The following SLC2A8 variants were observed in gnomAD, a reference collection of about 807,000 sequenced individuals.
The protein encoded by SLC2A8 is solute carrier family 2, facilitated glucose transporter member 8.
In SLC2A8, 53 loss-of-function variants were observed where a neutral mutation model predicts 49.2. The observed-to-expected ratio is 1.08, with a 90% CI of 0.86 to 1.35. The LOEUF is 1.35. Among genes scored for constraint, SLC2A8 ranks in the 40% most tolerant of loss-of-function variants. The probability of loss-of-function intolerance (pLI) is 0.00; values close to 1 mark genes in which losing one functional copy is unlikely to be tolerated. For missense variants in SLC2A8, 688 were observed against 671.7 expected, an observed-to-expected ratio of 1.02 and a Z score of -0.27; for synonymous variants, 299 against 297.0, an observed-to-expected ratio of 1.01 and a Z score of -0.07.
chr9:127,397,588 T>C, intron 2 of SLC2A8, 50 bp downstream of exon 2: 1 of 1,364,208 alleles, frequency 7.3e-7, no homozygotes. Context: ...CGCCCTCCTC[T>C]CGGGACGGGC....
chr9:127,404,477 C>CCCGGCCCT, intron 7 of SLC2A8: 1 of 360,590 alleles, frequency 2.8e-6, no homozygotes, highest in Admixed American at 4.4e-5. Context: ...AGGTGATCCA[C>CCCGGCCCT]GTGAGGCCTT....
At position 127,397,417 on chromosome 9, in the gene SLC2A8, C is replaced by G. The variant is rs1387202164; in HGVS notation, c.98C>G (p.Ala33Gly). The part of the protein sequence containing the change: ...GRRVFLAAFA[A>G]ALGPLSFGFA... Reference sequence around the variant, plus strand: ...CGCGTCTTCCTCGCCGCCTTCGCCGCTGCCCTGGGCCCACTCAGCTTCGGC... The same window carrying G: ...CGCGTCTTCCTCGCCGCCTTCGCCGGTGCCCTGGGCCCACTCAGCTTCGGC... Residue 33 changes from alanine (A) to glycine (G), a missense_variant, in exon 2 of 10, where the codon GCT becomes GGT. Physicochemically the swap from Ala to Gly is moderately conservative, Grantham distance 60. Transcript: ENST00000373371. 3 of 1,478,596 alleles carry G rather than the reference C, an allele frequency of 2.0e-6. No individual in the cohort carries two copies. Among genetic ancestry groups the G allele is most frequent in the South Asian group, 1.3e-5 (1 of 78,154 alleles). The allele number at this position is 1,478,596 out of a possible 1,614,324, so 91.6% of individuals were successfully genotyped here.
At chr9:127,398,540 C>T (rs1833139703) in intron 3 of SLC2A8, among the ~76,000 whole-genome samples, 1 of 152,214 alleles carries the variant, frequency 6.6e-6, no homozygotes, top group African/African-American at 2.4e-5. Context: ...CCTGATTTCT[C>T]TTGGGGCAAA....
Position 127,407,420 on chromosome 9 carries a change from C to G in SLC2A8, c.*171C>G. 1 of 816,768 alleles carries G rather than the reference C, an allele frequency of 1.2e-6. No homozygotes were observed. The highest frequency in any genetic ancestry group is 2.1e-6 in the Non-Finnish European group (1 of 476,600). The allele number at this position is 816,768 out of a possible 1,614,324, so 50.6% of individuals were successfully genotyped here. On this transcript the variant is annotated 3_prime_UTR_variant, in exon 10 of 10. Coordinates refer to ENST00000373371, the MANE Select transcript of SLC2A8 (RefSeq NM_014580.5). Reference sequence around the variant, plus strand: ...CCATGACCCGGGGCTAGGAGGCTCACTGCCTCCTGTTCCAGCTCCTGCTGC... The same window carrying G: ...CCATGACCCGGGGCTAGGAGGCTCAGTGCCTCCTGTTCCAGCTCCTGCTGC...
At chr9:127,406,970 T>G (rs1589014529) in intron 9 of SLC2A8, 142 bp from the exon 10 acceptor site, 68 of 852,528 alleles carry the variant, frequency 8.0e-5, no homozygotes, top group Non-Finnish European at 1.2e-4. Flanking sequence ...CAGAGCTGGG[T>G]GGAGATAAAA....
rs756670125 is a variant in SLC2A8, at chr9:127,404,814, G to A, written c.977-4G>A. 3.1e-6 allele frequency: 5 copies of A among 1,606,692 alleles called. No homozygotes were observed. Among genetic ancestry groups the A allele is most frequent in the Non-Finnish European group, 4.3e-6 (5 of 1,175,190 alleles). On this transcript the variant is annotated splice_polypyrimidine_tract_variant and splice_region_variant and intron_variant, in intron 7 of 9. Transcript: ENST00000373371. ...CCCGCCCACTGCCGCCCTCCCGCCT[G>A]CAGGTGTGGTCATGGTGTTCAGCAC...
At chr9:127,403,830 C>G in intron 6 of SLC2A8, 27 bp downstream of exon 6, 1 of 1,608,444 alleles carries the variant, frequency 6.2e-7, no homozygotes, top group Non-Finnish European at 8.5e-7. Context: ...TGGCCTGCCT[C>G]GTCCAGCCCC....
At chr9:127,398,498 G>C (rs111531018) in intron 3 of SLC2A8, among the ~76,000 whole-genome samples, 2 of 152,176 alleles carry the variant, frequency 1.3e-5, no homozygotes, top group Admixed American at 6.5e-5. Context: ...CTGGCTTCGG[G>C]TCAATGACTG....
At chr9:127,402,352 A>G (rs1375370414) in intron 4 of SLC2A8, 7 of 680,234 alleles carry the variant, frequency 1.0e-5, no homozygotes, top group Non-Finnish European at 1.6e-5. Context: ...TGTCATACCC[A>G]CTGTCGCTTC....
Position 127,402,760 on chromosome 9 carries a change from G to T in SLC2A8, c.723+7G>T, listed in dbSNP as rs893866542. 6.5e-7 allele frequency: 1 copy of T among 1,530,266 alleles called. No individual in the cohort carries two copies. The highest frequency in any genetic ancestry group is 2.1e-5 in the Admixed American group (1 of 48,112). The allele number at this position is 1,530,266 out of a possible 1,614,324, so 94.8% of individuals were successfully genotyped here. A position where few individuals can be genotyped will look rare whatever the true frequency, so the allele number is the denominator to read the frequency against. Reference sequence around the variant, plus strand: ...CCCCATCGGGGCTGAGCAGGTGAGAGGCTGGAAGGCAGAGCTGACAGGAGT... The same window carrying T: ...CCCCATCGGGGCTGAGCAGGTGAGATGCTGGAAGGCAGAGCTGACAGGAGT... On this transcript the variant is annotated splice_region_variant and intron_variant, in intron 5 of 9. Transcript: ENST00000373371.
chr9:127,398,072 C>A lies in SLC2A8; in HGVS notation c.387C>A (p.Leu129=). The change falls in exon 3 of 10, where the codon CTC becomes CTA. Residue 129 remains leucine (L), a synonymous_variant. Coordinates refer to ENST00000373371, the MANE Select transcript of SLC2A8 (RefSeq NM_014580.5). ...GGATGCTGCTGGGGGGCCGCCTCCT[C>A]ACCGGCCTGGCCTGCGGTGTTGCCT... is the stretch of plus-strand genomic sequence containing the variant. ...DVWMLLGGRL[L]TGLACGVASL... is the part of the protein sequence containing the mutation. The A allele has an allele frequency of 6.3e-7, 1 of 1,589,152 alleles. No individual in the cohort carries two copies. The highest frequency in any genetic ancestry group is 8.5e-7 in the Non-Finnish European group (1 of 1,173,532).
chr9:127,405,260 C>T (rs775820206), intron 8 of SLC2A8, among the ~76,000 whole-genome samples, 160 bp from the exon 9 acceptor site: 10 of 152,180 alleles, frequency 6.6e-5, no homozygotes, highest in Non-Finnish European at 1.3e-4. Flanking sequence ...AGAGGCTGGC[C>T]GAGGCCTTGG....
At chr9:127,400,164 G>GTTTTTTTTTTTTTTT (rs1564214930) in intron 4 of SLC2A8, among the ~76,000 whole-genome samples, 158 bp downstream of exon 4, 6 of 113,938 alleles carry the variant, frequency 5.3e-5, no homozygotes, top group African/African-American at 1.1e-4. Context: ...GGATAGGTGA[G>GTTTTTTTTTTTTTTT]TCTTTTTTTT....
rs200192886 is a variant in SLC2A8, at chr9:127,402,648, G to A, written c.618G>A (p.Pro206=). Residue 206 remains proline, a synonymous_variant, in exon 5 of 10, where the codon CCG becomes CCA. Transcript: ENST00000373371. ...LLLMCFMPET[P]RFLLTQHRRQ... is the part of the protein sequence containing the mutation. ...TCATGTGCTTCATGCCCGAGACCCC[G>A]CGCTTCCTGCTGACTCAGCACAGGC... The A allele has an allele frequency of 9.3e-5, 148 of 1,591,848 alleles. 1 individual carries two copies. In the East Asian group the frequency reaches 2.7e-3, roughly 29 times the overall value.
chr9:127,405,439 G>A lies in SLC2A8; in HGVS notation c.1170G>A (p.Gly390=), dbSNP rs898021059. 1.4e-5 allele frequency: 22 copies of A among 1,612,650 alleles called. No individual in the cohort carries two copies. Among genetic ancestry groups the A allele is most frequent in the South Asian group, 2.2e-5 (2 of 91,086 alleles). ...CCACAGGCTTTGCGGTGGGCTGGGG[G>A]CCCATCCCCTGGCTCCTCATGTCAG... ...LFIAGFAVGW[G]PIPWLLMSEI... The change falls in exon 9 of 10, where the codon GGG becomes GGA. Residue 390 remains glycine (G), a synonymous_variant. Coordinates refer to ENST00000373371, the MANE Select transcript of SLC2A8 (RefSeq NM_014580.5).
intron 7 of SLC2A8, 53 bp downstream of exon 7, chr9:127,404,120 C>A: frequency 8.0e-7 from 1 of 1,247,334 alleles, no homozygotes. Flanking sequence ...GGGCCTTCGC[C>A]AAGGCCACCA....
At chr9:127,405,023 G>A in intron 8 of SLC2A8, 32 bp downstream of exon 8, 1 of 1,578,688 alleles carries the variant, frequency 6.3e-7, no homozygotes, top group Middle Eastern at 1.7e-4. Context: ...TGGGCGAGGA[G>A]TGGGAGGTGA....
chr9:127,404,659 C>G lies in SLC2A8; in HGVS notation c.977-159C>G, dbSNP rs905933641. On this transcript the variant is annotated intron_variant, in intron 7 of 9. Coordinates refer to ENST00000373371, the MANE Select transcript of SLC2A8 (RefSeq NM_014580.5). ...TTCGCTGAGGTCCAAGGCGGGGTGG[C>G]TGCCACCCAGTCAGGGCTTCTGCGG... 7.4e-5 allele frequency: 59 copies of G among 799,176 alleles called. No individual in the cohort carries two copies. The African/African-American group carries it at 9.8e-4, about 13-fold the overall frequency. 49.5% of individuals were successfully genotyped at this position (799,176 alleles called of 1,614,324 possible).
At chr9:127,398,162 G>A in intron 3 of SLC2A8, 51 bp downstream of exon 3, 1 of 1,538,546 alleles carries the variant, frequency 6.5e-7, no homozygotes, top group Non-Finnish European at 8.8e-7. Flanking sequence ...AGACCGAGGG[G>A]GAGTGGGACA....
Sources: gnomAD v4.1 joint callset for allele counts (sites outside exome capture counted in the v4.1 genomes callset) on GRCh38, gnomAD v4.1.1 for gene constraint, MANE v1.5 for transcripts, NCBI Gene and HGNC (gene_info 2026-07-23, HGNC 2026-07-21) for gene names.